Variants in MICAL2 observed in about 807,000 individuals in gnomAD.
The protein encoded by MICAL2 is microtubule associated monooxygenase, calponin and LIM domain containing 2, also known as [F-actin]-monooxygenase MICAL2.
A neutral mutation model predicts 127.3 loss-of-function variants in MICAL2; 77 were observed. That is an observed-to-expected ratio of 0.60 (90% CI 0.50 to 0.73). MICAL2 has a LOEUF of 0.73. Ranked by LOEUF, MICAL2 falls within the 30% of genes least tolerant of loss-of-function variation. The probability of loss-of-function intolerance (pLI) is 0.00; values close to 1 mark genes in which losing one functional copy is unlikely to be tolerated. For missense variants in MICAL2, 1,351 were observed against 1,434.4 expected (o/e 0.94, Z 0.94); for synonymous variants, 570 against 551.1 (o/e 1.03, Z -0.48).
downstream of MICAL2, among the ~76,000 whole-genome samples, chr11:12,287,597 C>CCA (rs374186564): frequency 9.9e-5 from 15 of 151,404 alleles, no homozygotes; most frequent in East Asian, 1.4e-3. Context: ...ACCCACACAT[C>CCA]CACACACACA....
At chr11:12,296,676 A>G (rs1863989671), downstream of MICAL2, among the ~76,000 whole-genome samples, 1 of 151,868 alleles carries the variant, frequency 6.6e-6, no homozygotes, top group South Asian at 2.1e-4. Flanking sequence ...TCCCTGAGCA[A>G]TCCAGGTCCT....
intron 18 of MICAL2, 96 bp from the exon 19 acceptor site, chr11:12,242,118 A>T: frequency 2.9e-6 from 3 of 1,028,154 alleles, no homozygotes; most frequent in Non-Finnish European, 4.1e-6. Context: ...CACCTGGTGC[A>T]CCCTTTGTCT....
chr11:12,345,538 G>C (rs528437222), intron 32 of MICAL2, among the ~76,000 whole-genome samples: 1 of 152,320 alleles, frequency 6.6e-6, no homozygotes, highest in African/African-American at 2.4e-5. Flanking sequence ...AGAAATCTCA[G>C]GAGAAATGTG....
At chr11:12,247,377 A>G (rs979356608) in intron 21 of MICAL2, among the ~76,000 whole-genome samples, 15 of 152,298 alleles carry the variant, frequency 9.8e-5, no homozygotes, top group African/African-American at 3.4e-4. Context: ...TGGCCATTAG[A>G]TGATGTAATT....
chr11:12,169,511 A>C (rs56020601), intron 3 of MICAL2, among the ~76,000 whole-genome samples: 12,362 of 152,130 alleles, frequency 0.081, 673 homozygotes, highest in African/African-American at 0.16. Flanking sequence ...TCAGCCTCCC[A>C]AGTAGCTGGG....
intron 6 of MICAL2, 127 bp downstream of exon 6, chr11:12,209,725 A>G: frequency 1.2e-6 from 1 of 806,316 alleles, no homozygotes; most frequent in Non-Finnish European, 2.1e-6. Context: ...ATAGGAGGGC[A>G]GACCATCCTG....
At chr11:12,231,125 A>T (rs1284844974) in intron 15 of MICAL2, among the ~76,000 whole-genome samples, 1 of 152,024 alleles carries the variant, frequency 6.6e-6, no homozygotes, top group Admixed American at 6.6e-5. Context: ...ACACCCTCAG[A>T]CTCACAATAC....
intron 3 of MICAL2, among the ~76,000 whole-genome samples, chr11:12,199,152 G>A (rs1441364275): frequency 6.6e-6 from 1 of 152,210 alleles, no homozygotes; most frequent in African/African-American, 2.4e-5. Flanking sequence ...CTCAAAAAGA[G>A]AGTTAATAAG....
chr11:12,209,985 T>C (rs1329600575), intron 6 of MICAL2, among the ~76,000 whole-genome samples: 1 of 152,166 alleles, frequency 6.6e-6, no homozygotes, highest in African/African-American at 2.4e-5. Flanking sequence ...GCCGAGCACT[T>C]TCATACTTAC....
downstream of MICAL2, among the ~76,000 whole-genome samples, chr11:12,359,334 CA>C (rs138650957): frequency 0.025 from 3,481 of 137,376 alleles, 126 homozygotes; most frequent in African/African-American, 0.091. Context: ...TTGATGATGG[CA>C]AAAAAAAAAA....
intron 1 of MICAL2, among the ~76,000 whole-genome samples, chr11:12,125,921 T>G (rs1177832030): frequency 6.6e-6 from 1 of 152,198 alleles, no homozygotes; most frequent in Non-Finnish European, 1.5e-5. Flanking sequence ...TTGGCTAATG[T>G]GAACTGGTGA....
intron 3 of MICAL2, among the ~76,000 whole-genome samples, chr11:12,175,950 C>T (rs888408904): frequency 6.6e-6 from 1 of 152,162 alleles, no homozygotes; most frequent in Admixed American, 6.5e-5. Flanking sequence ...GGCTTTTACT[C>T]TGCATGAGAT....
chr11:12,264,073 C>T (rs763085096), downstream of MICAL2, among the ~76,000 whole-genome samples: 9 of 152,158 alleles, frequency 5.9e-5, no homozygotes, highest in African/African-American at 1.9e-4. Flanking sequence ...AGTGTCCCCT[C>T]AGCGATTAGA....
At chr11:12,233,575 T>C (rs898746620) in intron 15 of MICAL2, among the ~76,000 whole-genome samples, 1 of 152,262 alleles carries the variant, frequency 6.6e-6, no homozygotes, top group Non-Finnish European at 1.5e-5. Flanking sequence ...AATGTTCAGA[T>C]TGGCAGATAT....
rs760996784 is a variant in MICAL2, at chr11:12,208,074, T to C, written c.524T>C (p.Val175Ala). 1.9e-6 allele frequency: 3 copies of C among 1,614,080 alleles called. No individual in the cohort carries two copies. The highest frequency in any genetic ancestry group is 2.5e-6 in the Non-Finnish European group (3 of 1,180,014). ...TTCAAGGTGGCCCTGATGCTGGGAG[T>C]TGAAATCCATGTGAATGTGGAGTTC... ...ILFKVALMLGVEIHVNVEFVK... is the reference protein window; with the variant it reads ...ILFKVALMLGAEIHVNVEFVK... Residue 175 changes from valine (V) to alanine (A), a missense_variant, in exon 5 of 28, where the codon GTT (valine) becomes GCT (alanine). Val to Ala is a moderately conservative substitution (Grantham distance 64, BLOSUM62 0). This residue lies in a region of MICAL2 where 599 missense variants were observed against 714.9 expected (regional missense o/e 0.84). Coordinates refer to ENST00000683283, the MANE Select transcript of MICAL2 (RefSeq NM_001282663.2).
chr11:12,230,456 G>A (rs956095852), intron 15 of MICAL2, among the ~76,000 whole-genome samples: 7 of 152,114 alleles, frequency 4.6e-5, no homozygotes, highest in African/African-American at 7.2e-5. Context: ...ATGCTTGCAC[G>A]AGTCTATACA....
At chr11:12,148,470 A>C (rs943927866) in intron 2 of MICAL2, among the ~76,000 whole-genome samples, 1 of 152,140 alleles carries the variant, frequency 6.6e-6, no homozygotes, top group African/African-American at 2.4e-5. Flanking sequence ...ATAAAGGTGA[A>C]GCTGGTGAGT....
intron 29 of MICAL2, among the ~76,000 whole-genome samples, chr11:12,306,103 G>A (rs1342155185): frequency 6.6e-6 from 1 of 152,100 alleles, no homozygotes; most frequent in Non-Finnish European, 1.5e-5. Context: ...CGTAAGTATA[G>A]AGCTTTTCAC....
chr11:12,133,008 G>C (rs1851547028), intron 1 of MICAL2, among the ~76,000 whole-genome samples: 2 of 152,208 alleles, frequency 1.3e-5, no homozygotes. Context: ...CAGGAGAGGT[G>C]GGTGGTTGTC....
Sources: gnomAD v4.1 joint callset for allele counts (sites outside exome capture counted in the v4.1 genomes callset) on GRCh38, gnomAD v4.1.1 for gene constraint, gnomAD v4.1.1 regional missense constraint, MANE v1.5 for transcripts, NCBI Gene and HGNC (gene_info 2026-07-23, HGNC 2026-07-21) for gene names.